DTNB: variants seen among roughly 807,000 people sequenced by gnomAD.
DTNB encodes dystrobrevin beta, also known as DTN-B.
DTNB carries 63 observed loss-of-function variants against 90.7 expected under a neutral mutation model. The ratio of observed to expected loss-of-function variants is 0.69; its 90% CI spans 0.57 to 0.86. DTNB has a LOEUF of 0.86. DTNB is among the 40% of genes least tolerant of loss of function. The pLI is 0.00. For synonymous variants in DTNB, 277 were observed against 286.7 expected (o/e 0.97, Z 0.34); for missense variants, 744 against 807.1 (o/e 0.92, Z 0.95).
intron 3 of DTNB, among the ~76,000 whole-genome samples, chr2:25,633,524 C>T (rs1478510517): frequency 6.6e-6 from 1 of 152,078 alleles, no homozygotes; most frequent in African/African-American, 2.4e-5. Flanking sequence ...CAACCTCCAC[C>T]TCCCAGCCGC....
intron 1 of DTNB, among the ~76,000 whole-genome samples, chr2:25,662,685 C>CACACAA (rs2083486712): frequency 7.8e-6 from 1 of 128,910 alleles, no homozygotes; most frequent in Non-Finnish European, 1.6e-5. Context: ...CACACAAACA[C>CACACAA]ACACACACAC....
intron 1 of DTNB, among the ~76,000 whole-genome samples, chr2:25,663,989 TGACA>T (rs1328275722): frequency 1.3e-5 from 2 of 152,212 alleles, no homozygotes; most frequent in East Asian, 1.9e-4. Flanking sequence ...GGATTATGAC[TGACA>T]ATCACTGAAA....
intron 10 of DTNB, among the ~76,000 whole-genome samples, chr2:25,462,640 T>C (rs1246887076): frequency 6.6e-6 from 1 of 152,202 alleles, no homozygotes; most frequent in Non-Finnish European, 1.5e-5. Context: ...TCATAGTCAT[T>C]AGCAACAAGG....
intron 12 of DTNB, among the ~76,000 whole-genome samples, chr2:25,445,666 C>T (rs2058300423): frequency 1.3e-5 from 2 of 152,196 alleles, no homozygotes; most frequent in African/African-American, 4.8e-5. Flanking sequence ...GTCATGCGAC[C>T]TCCAGCCTCA....
intron 9 of DTNB, among the ~76,000 whole-genome samples, chr2:25,522,654 T>C (rs565927593): frequency 1.1e-4 from 17 of 152,114 alleles, no homozygotes; most frequent in Non-Finnish European, 2.2e-4. Flanking sequence ...CTGAGACAAT[T>C]AAGACAGGTT....
At chr2:25,410,767 G>A (rs2046383479) in intron 16 of DTNB, among the ~76,000 whole-genome samples, 1 of 152,040 alleles carries the variant, frequency 6.6e-6, no homozygotes, top group Non-Finnish European at 1.5e-5. Flanking sequence ...CATGTTCCTG[G>A]AATGTGCGAT....
intron 18 of DTNB, among the ~76,000 whole-genome samples, chr2:25,386,521 T>C (rs904987589): frequency 6.6e-6 from 1 of 152,216 alleles, no homozygotes; most frequent in Non-Finnish European, 1.5e-5. Flanking sequence ...ACACAAAACA[T>C]GGAGACCCCA....
At chr2:25,577,514 A>G (rs2060876260) in intron 7 of DTNB, among the ~76,000 whole-genome samples, 1 of 147,188 alleles carries the variant, frequency 6.8e-6, no homozygotes, top group Non-Finnish European at 1.5e-5. Flanking sequence ...ATTTACTAGA[A>G]AAAAAAAAAA....
chr2:25,471,169 C>T (rs2062735471), intron 10 of DTNB, among the ~76,000 whole-genome samples: 3 of 152,064 alleles, frequency 2.0e-5, no homozygotes, highest in Admixed American at 2.0e-4. Context: ...ACAAACAAGC[C>T]CAATGACATG....
chr2:25,552,477 CT>C (rs1191835539), intron 8 of DTNB, among the ~76,000 whole-genome samples: 5 of 152,210 alleles, frequency 3.3e-5, no homozygotes, highest in Non-Finnish European at 7.3e-5. Context: ...CAGCATTGCC[CT>C]GTCACTGGCC....
At chr2:25,437,027 C>T (rs1415231976) in intron 12 of DTNB, among the ~76,000 whole-genome samples, 2 of 152,098 alleles carry the variant, frequency 1.3e-5, no homozygotes, top group Non-Finnish European at 2.9e-5. Flanking sequence ...TCATTATCAA[C>T]AGAGATTCCT....
Position 25,596,104 on chromosome 2 carries a change from G to A in DTNB, c.585C>T (p.Arg195=). The A allele has an allele frequency of 6.2e-7, 1 of 1,611,184 alleles. No homozygotes were observed. The highest frequency in any genetic ancestry group is 2.2e-5 in the East Asian group (1 of 44,688). Residue 195 remains arginine, a synonymous_variant, in exon 6 of 21, where the codon CGC becomes CGT. Transcript: ENST00000406818. The stretch of plus-strand genomic sequence containing the variant: ...TCCTTACCTGCTGTGGAAAACAGGT[G>A]CGGACTGAGTGCTCTGTGTAACCAA... ...PSFGYTEHSV[R]TCFPQQRKIM...
chr2:25,413,075 G>C (rs549159086), intron 16 of DTNB, among the ~76,000 whole-genome samples: 1 of 152,044 alleles, frequency 6.6e-6, no homozygotes, highest in East Asian at 1.9e-4. Flanking sequence ...GCATTTTATA[G>C]ATTATTATCT....
intron 16 of DTNB, among the ~76,000 whole-genome samples, chr2:25,411,782 T>C (rs2046687814): frequency 6.6e-6 from 1 of 152,230 alleles, no homozygotes; most frequent in Admixed American, 6.5e-5. Flanking sequence ...GTGTACGATT[T>C]CTCTTTTTAT....
chr2:25,431,131 C>T (rs559659281), intron 14 of DTNB, among the ~76,000 whole-genome samples: 2 of 152,196 alleles, frequency 1.3e-5, no homozygotes, highest in African/African-American at 4.8e-5. Context: ...TTACCAACTT[C>T]TTCTTTCATG....
At chr2:25,381,209 G>A (rs1276810618) in intron 19 of DTNB, among the ~76,000 whole-genome samples, 8 of 142,190 alleles carry the variant, frequency 5.6e-5, no homozygotes, top group Non-Finnish European at 9.3e-5. Flanking sequence ...GTGCGTGTGC[G>A]TGTGTGTGCG....
intron 16 of DTNB, among the ~76,000 whole-genome samples, chr2:25,407,759 T>C (rs2045573385): frequency 2.0e-5 from 3 of 152,098 alleles, no homozygotes; most frequent in Admixed American, 1.3e-4. Context: ...TAATGGACTA[T>C]GGAGCCTCAG....
At chr2:25,639,703 T>C (rs1240081762) in intron 2 of DTNB, among the ~76,000 whole-genome samples, 1 of 152,122 alleles carries the variant, frequency 6.6e-6, no homozygotes, top group Non-Finnish European at 1.5e-5. Flanking sequence ...TTTCCTTCCA[T>C]GTGAATCTGA....
At chr2:25,391,483 G>A (rs1359264145) in intron 16 of DTNB, among the ~76,000 whole-genome samples, 1 of 152,116 alleles carries the variant, frequency 6.6e-6, no homozygotes, top group Admixed American at 6.5e-5. Context: ...TAAATATCCA[G>A]TAAGTACATG....
Sources: gnomAD v4.1 joint callset for allele counts (sites outside exome capture counted in the v4.1 genomes callset) on GRCh38, gnomAD v4.1.1 for gene constraint, MANE v1.5 for transcripts, NCBI Gene and HGNC (gene_info 2026-07-23, HGNC 2026-07-21) for gene names.